The following PLPPR1 variants were observed in gnomAD, a reference collection of about 807,000 sequenced individuals.
PLPPR1 encodes the protein phospholipid phosphatase-related protein type 1.
A neutral mutation model predicts 33.1 loss-of-function variants in PLPPR1; 10 were observed. That is an observed-to-expected ratio of 0.30 (90% CI 0.19 to 0.51). The LOEUF (loss-of-function observed/expected upper bound fraction) is 0.51. Ranked by LOEUF, PLPPR1 falls within the 20% of genes least tolerant of loss-of-function variation. PLPPR1 has a pLI of 0.97. For synonymous variants in PLPPR1, 151 were observed against 151.0 expected (o/e 1.00, Z 0.00); for missense variants, 304 against 408.1 (o/e 0.74, Z 2.20).
chr9:101,249,633 A>T (rs562021667), intron 2 of PLPPR1, among the ~76,000 whole-genome samples: 4 of 152,138 alleles, frequency 2.6e-5, no homozygotes, highest in African/African-American at 9.6e-5. Flanking sequence ...TTAGGTGTGG[A>T]AAAGTGCTTA....
intron 2 of PLPPR1, among the ~76,000 whole-genome samples, chr9:101,227,891 C>T (rs1827103771): frequency 1.3e-5 from 2 of 152,158 alleles, no homozygotes; most frequent in Non-Finnish European, 2.9e-5. Flanking sequence ...ATTCTCCTGT[C>T]TCAGCCTCCC....
chr9:101,108,922 T>G (rs187586330), intron 1 of PLPPR1, among the ~76,000 whole-genome samples: 119 of 151,722 alleles, frequency 7.8e-4, no homozygotes, highest in Non-Finnish European at 1.4e-3. Context: ...AAGACTGATA[T>G]AACCCACATA....
chr9:101,115,482 T>C (rs2993811), intron 1 of PLPPR1, among the ~76,000 whole-genome samples: 65,530 of 152,052 alleles, frequency 0.43, 14,348 homozygotes, highest in Non-Finnish European at 0.47. Flanking sequence ...CTTTTAAAAG[T>C]ACAAATTGCC....
chr9:101,235,685 C>T (rs960978772), intron 2 of PLPPR1, among the ~76,000 whole-genome samples: 6 of 151,748 alleles, frequency 4.0e-5, no homozygotes, highest in African/African-American at 1.5e-4. Context: ...GCTGATAGAA[C>T]AGCAATGCCC....
chr9:101,276,459 A>G (rs932984662), intron 3 of PLPPR1, among the ~76,000 whole-genome samples: 7 of 152,110 alleles, frequency 4.6e-5, no homozygotes, highest in Non-Finnish European at 1.5e-5. Context: ...TTCCATCTTC[A>G]ATATACCCCT....
intron 1 of PLPPR1, among the ~76,000 whole-genome samples, chr9:101,057,678 G>T (rs1830294181): frequency 6.6e-6 from 1 of 152,126 alleles, no homozygotes; most frequent in South Asian, 2.1e-4. Context: ...AGTATTCCCA[G>T]TTCACAGAGA....
intron 2 of PLPPR1, among the ~76,000 whole-genome samples, chr9:101,225,456 C>T (rs1827044659): frequency 6.6e-6 from 1 of 152,188 alleles, no homozygotes; most frequent in Non-Finnish European, 1.5e-5. Flanking sequence ...TCCAATTCCA[C>T]ATAGCTCACC....
intron 2 of PLPPR1, among the ~76,000 whole-genome samples, chr9:101,193,198 A>G (rs959437216): frequency 5.9e-5 from 9 of 152,200 alleles, no homozygotes; most frequent in Non-Finnish European, 8.8e-5. Context: ...AGAGAAGGAA[A>G]TACTGCTCTC....
intron 1 of PLPPR1, among the ~76,000 whole-genome samples, chr9:101,044,502 C>G (rs1277826650): frequency 6.6e-6 from 1 of 152,116 alleles, no homozygotes; most frequent in Non-Finnish European, 1.5e-5. Flanking sequence ...TTCATTGCTT[C>G]ATTTGTAAAA....
chr9:101,111,977 C>T (rs981596778), intron 1 of PLPPR1, among the ~76,000 whole-genome samples: 2 of 152,144 alleles, frequency 1.3e-5, no homozygotes, highest in Non-Finnish European at 2.9e-5. Context: ...TCACCTCCTC[C>T]CTTCCCAACC....
chr9:101,293,802 T>C (rs1828565221), intron 4 of PLPPR1, among the ~76,000 whole-genome samples: 1 of 151,248 alleles, frequency 6.6e-6, no homozygotes, highest in Admixed American at 6.6e-5. Context: ...ACACTCAAAG[T>C]AGTGTGTAGA....
intron 1 of PLPPR1, among the ~76,000 whole-genome samples, chr9:101,032,572 A>G (rs1371613932): frequency 6.6e-6 from 1 of 152,178 alleles, no homozygotes; most frequent in Non-Finnish European, 1.5e-5. Flanking sequence ...CATCACCAGC[A>G]TTTAGCACAG....
intron 2 of PLPPR1, among the ~76,000 whole-genome samples, chr9:101,268,261 A>T (rs556988215): frequency 1.3e-5 from 2 of 151,686 alleles, no homozygotes; most frequent in African/African-American, 4.9e-5. Context: ...ATACATAAAA[A>T]AAATAAAATC....
At chr9:101,189,903 C>A (rs1324522888) in intron 2 of PLPPR1, among the ~76,000 whole-genome samples, 1 of 152,036 alleles carries the variant, frequency 6.6e-6, no homozygotes, top group Non-Finnish European at 1.5e-5. Flanking sequence ...GCACTCTGAT[C>A]CTCCTGTTGG....
chr9:101,094,305 T>C (rs1397932615), intron 1 of PLPPR1, among the ~76,000 whole-genome samples: 3 of 152,154 alleles, frequency 2.0e-5, no homozygotes, highest in African/African-American at 4.8e-5. Context: ...TATCTTTGGC[T>C]CCTTTCATTT....
At chr9:101,247,219 G>A (rs1232093549) in intron 2 of PLPPR1, among the ~76,000 whole-genome samples, 5 of 151,872 alleles carry the variant, frequency 3.3e-5, no homozygotes, top group South Asian at 2.1e-4. Context: ...AAGGAGGGAC[G>A]CCCAACAATG....
chr9:101,114,067 C>T (rs929681981), intron 1 of PLPPR1, among the ~76,000 whole-genome samples: 16 of 151,892 alleles, frequency 1.1e-4, no homozygotes, highest in Non-Finnish European at 2.1e-4. Context: ...AAAGTGTAGG[C>T]GTTTTCCTTT....
chr9:101,030,751 T>G (rs1002907413), intron 1 of PLPPR1, among the ~76,000 whole-genome samples: 17 of 152,156 alleles, frequency 1.1e-4, no homozygotes, highest in Admixed American at 9.2e-4. Context: ...AGGGCTTCTC[T>G]TCACTTTGAG....
At chr9:101,110,912 G>A (rs999376450) in intron 1 of PLPPR1, among the ~76,000 whole-genome samples, 4 of 152,108 alleles carry the variant, frequency 2.6e-5, no homozygotes, top group Non-Finnish European at 5.9e-5. Context: ...CTAGGTATGT[G>A]TGCAAAGCCA....
Sources: gnomAD v4.1 joint callset for allele counts (sites outside exome capture counted in the v4.1 genomes callset) on GRCh38, gnomAD v4.1.1 for gene constraint, MANE v1.5 for transcripts, NCBI Gene and HGNC (gene_info 2026-07-23, HGNC 2026-07-21) for gene names.